The following TMEM60 variants were observed in gnomAD, a reference collection of about 807,000 sequenced individuals.
TMEM60 encodes transmembrane protein 60.
A neutral mutation model predicts 10.7 loss-of-function variants in TMEM60; 4 were observed. That is an observed-to-expected ratio of 0.37 (90% CI 0.18 to 0.86). The LOEUF (loss-of-function observed/expected upper bound fraction) is 0.86. Ranked by LOEUF, TMEM60 falls within the 40% of genes least tolerant of loss-of-function variation. TMEM60 has a pLI of 0.43. For missense variants in TMEM60, 128 were observed against 153.4 expected, an observed-to-expected ratio of 0.83 and a Z score of 0.88; for synonymous variants, 56 against 58.1, an observed-to-expected ratio of 0.96 and a Z score of 0.17.
At chr7:77,797,687 A>C (rs1792211816) in intron 1 of TMEM60, among the ~76,000 whole-genome samples, 1 of 152,072 alleles carries the variant, frequency 6.6e-6, no homozygotes, top group African/African-American at 2.4e-5. Flanking sequence ...ATGATTCCTT[A>C]CTCATTTTTA....
At chr7:77,796,125 A>C (rs1301660711) in intron 1 of TMEM60, among the ~76,000 whole-genome samples, 2 of 151,960 alleles carry the variant, frequency 1.3e-5, no homozygotes. Context: ...TTTAGTAGAG[A>C]TGGGGTTTCA....
At chr7:77,797,976 C>T (rs750935225) in intron 1 of TMEM60, among the ~76,000 whole-genome samples, 14 of 152,260 alleles carry the variant, frequency 9.2e-5, no homozygotes, top group South Asian at 2.1e-4. Context: ...CCTGGAACTT[C>T]AGGACGCTCC....
chr7:77,794,220 G>A lies in TMEM60; in HGVS notation c.154C>T (p.Leu52=), dbSNP rs1444358707. The part of the protein sequence containing the change: ...VWIFDTILLV[L]LIVKMAGRCK... ...CGCCCAGCCATTTTCACAATCAGCA[G>A]GACAAGAAGGATAGTATCAAATATC... Residue 52 remains leucine, a synonymous_variant, in exon 2 of 2, where the codon CTG becomes TTG. Coordinates refer to ENST00000257663, the MANE Select transcript of TMEM60 (RefSeq NM_032936.4). 2 of 1,613,612 alleles carry A rather than the reference G, an allele frequency of 1.2e-6. No homozygotes were observed. Among genetic ancestry groups the A allele is most frequent in the African/African-American group, 2.7e-5 (2 of 74,796 alleles).
intron 1 of TMEM60, 49 bp from the exon 2 acceptor site, chr7:77,794,472 T>C (rs1792147580): frequency 7.9e-7 from 1 of 1,270,904 alleles, no homozygotes; most frequent in South Asian, 2.1e-5. Context: ...AGAAAAAAAG[T>C]ATCACTTCCA....
In TMEM60 at chr7:77,794,248, G is replaced by A; in HGVS notation, c.126C>T (p.Val42=). ...PWNWFLIFIP[V]WIFDTILLVL... is the part of the protein sequence containing the mutation. ...CAAGAAGGATAGTATCAAATATCCA[G>A]ACTGGAATGAATATGAGGAACCAGT... The change falls in exon 2 of 2, where the codon GTC becomes GTT. Residue 42 remains valine, a synonymous_variant. Coordinates refer to ENST00000257663, the MANE Select transcript of TMEM60 (RefSeq NM_032936.4). The A allele has an allele frequency of 1.2e-6, 2 of 1,613,964 alleles. No homozygotes were observed. The highest frequency in any genetic ancestry group is 1.7e-6 in the Non-Finnish European group (2 of 1,179,992).
At chr7:77,795,017 G>A (rs996465742) in intron 1 of TMEM60, among the ~76,000 whole-genome samples, 1 of 152,154 alleles carries the variant, frequency 6.6e-6, no homozygotes, top group South Asian at 2.1e-4. Context: ...GGCAAGGCGT[G>A]GTGGTATGCA....
Position 77,794,047 on chromosome 7 carries a change from G to A in TMEM60, c.327C>T (p.Val109=). 1 of 1,611,418 alleles carries A rather than the reference G, an allele frequency of 6.2e-7. No individual in the cohort carries two copies. Residue 109 remains valine, a synonymous_variant, in exon 2 of 2, where the codon GTC becomes GTT. Transcript: ENST00000257663. Reference sequence around the variant, plus strand: ...CCAGCAAGGCCCATAAAGGAATGAAGACATAGGATAGATTCATGGTAGTAA... The same window carrying A: ...CCAGCAAGGCCCATAAAGGAATGAAAACATAGGATAGATTCATGGTAGTAA... The part of the protein sequence containing the change: ...EQFTTMNLSY[V]FIPLWALLAG...
In TMEM60 at chr7:77,794,353, C is replaced by T. The variant is rs755887534; in HGVS notation, c.21G>A (p.Gln7=). The T allele has an allele frequency of 4.4e-6, 7 of 1,583,108 alleles. No individual in the cohort carries two copies. Among genetic ancestry groups the T allele is most frequent in the Non-Finnish European group, 3.4e-6 (4 of 1,168,580 alleles). MRMSLA[Q]RVLLTWLFTL... ...TGAAAAGCCAGGTGAGTAGTACTCT[C>T]TGAGCCAAGGACATTCTCATTTAAA... The change falls in exon 2 of 2, where the codon CAG becomes CAA. Residue 7 remains glutamine (Q), a synonymous_variant. Coordinates refer to ENST00000257663, the MANE Select transcript of TMEM60 (RefSeq NM_032936.4).
Position 77,793,925 on chromosome 7 carries a change from T to C in TMEM60, c.*47A>G. On this transcript the variant is annotated 3_prime_UTR_variant, in exon 2 of 2. Coordinates refer to ENST00000257663, the MANE Select transcript of TMEM60 (RefSeq NM_032936.4). ...GCTTGACAGATTCAGAACACTTTAA[T>C]GGTAACTTGTTGAACAGCAATAGAA... is the stretch of plus-strand genomic sequence containing the variant. 1 of 1,497,544 alleles carries C rather than the reference T, an allele frequency of 6.7e-7. No homozygotes were observed. Among genetic ancestry groups the C allele is most frequent in the South Asian group, 1.5e-5 (1 of 68,252 alleles). 92.8% of individuals were successfully genotyped at this position (1,497,544 alleles called of 1,614,324 possible). A position where few individuals can be genotyped will look rare whatever the true frequency, so the allele number is the denominator to read the frequency against.
At chr7:77,796,229 C>T (rs76533497) in intron 1 of TMEM60, among the ~76,000 whole-genome samples, 1 of 152,034 alleles carries the variant, frequency 6.6e-6, no homozygotes, top group East Asian at 1.9e-4. Flanking sequence ...TGAGCCACCA[C>T]GCCGGCCTCT....
At chr7:77,797,132 A>T (rs537416939) in intron 1 of TMEM60, among the ~76,000 whole-genome samples, 1 of 152,226 alleles carries the variant, frequency 6.6e-6, no homozygotes, top group Admixed American at 6.5e-5. Context: ...GTGTGTGTTG[A>T]TTAATAACCA....
At chr7:77,794,872 A>G (rs1473830757) in intron 1 of TMEM60, among the ~76,000 whole-genome samples, 2 of 152,154 alleles carry the variant, frequency 1.3e-5, no homozygotes, top group Admixed American at 1.3e-4. Flanking sequence ...AAAGAAGGGA[A>G]TGGGAAGGGT....
chr7:77,798,304 T>C lies in TMEM60; in HGVS notation c.-101A>G, dbSNP rs1792239007. The C allele has an allele frequency of 6.6e-6, 1 of 152,238 alleles. No homozygotes were observed. The highest frequency in any genetic ancestry group is 1.5e-5 in the Non-Finnish European group (1 of 68,066). The allele number at this position is 152,238 out of a possible 1,614,324, so 9.4% of individuals were successfully genotyped here. A position where few individuals can be genotyped will look rare whatever the true frequency, so the allele number is the denominator to read the frequency against. ...GGAGAGGGACGCGAAGATCAGCAAA[T>C]TCGCCAGTTTGGATCCTTGTCCTTT... On this transcript the variant is annotated 5_prime_UTR_variant, in exon 1 of 2. Transcript: ENST00000257663.
Position 77,793,954 on chromosome 7 carries a change from A to G in TMEM60, c.*18T>C. On this transcript the variant is annotated 3_prime_UTR_variant, in exon 2 of 2. Coordinates refer to ENST00000257663, the MANE Select transcript of TMEM60 (RefSeq NM_032936.4). ...AACTTGTTGAACAGCAATAGAAAGG[A>G]GATGATGTACTTAGAAGTCAGTCTC... 1 of 1,529,806 alleles carries G rather than the reference A, an allele frequency of 6.5e-7. No homozygotes were observed. The highest frequency in any genetic ancestry group is 8.8e-7 in the Non-Finnish European group (1 of 1,142,404). 94.8% of individuals were successfully genotyped at this position (1,529,806 alleles called of 1,614,324 possible).
chr7:77,797,860 ATTC>A (rs1055478260), intron 1 of TMEM60, among the ~76,000 whole-genome samples: 5 of 152,050 alleles, frequency 3.3e-5, no homozygotes, highest in African/African-American at 7.2e-5. Context: ...CCACATATTT[ATTC>A]TTCTTCATAA....
At chr7:77,794,797 A>G (rs971964379) in intron 1 of TMEM60, among the ~76,000 whole-genome samples, 8 of 152,194 alleles carry the variant, frequency 5.3e-5, no homozygotes, top group Non-Finnish European at 1.0e-4. Flanking sequence ...GGTACAAAGA[A>G]AAAAGCATTC....
At chr7:77,795,286 A>G (rs1270900211) in intron 1 of TMEM60, among the ~76,000 whole-genome samples, 2 of 152,142 alleles carry the variant, frequency 1.3e-5, no homozygotes, top group African/African-American at 4.8e-5. Context: ...TTGGGACTCT[A>G]AGGCAGGTGC....
chr7:77,796,588 AAAG>A (rs1792169565), intron 1 of TMEM60, among the ~76,000 whole-genome samples: 1 of 152,230 alleles, frequency 6.6e-6, no homozygotes, highest in Non-Finnish European at 1.5e-5. Context: ...TATGAAACTG[AAAG>A]AAGAAATTTT....
chr7:77,794,362 G>A lies in TMEM60; in HGVS notation c.12C>T (p.Ser4=). 6.4e-7 allele frequency: 1 copy of A among 1,569,814 alleles called. No homozygotes were observed. The highest frequency in any genetic ancestry group is 1.2e-5 in the South Asian group (1 of 81,422). Residue 4 remains serine (S), a synonymous_variant, in exon 2 of 2, where the codon TCC becomes TCT. Coordinates refer to ENST00000257663, the MANE Select transcript of TMEM60 (RefSeq NM_032936.4). MRM[S]LAQRVLLTWL... Reference sequence around the variant, plus strand: ...AGGTGAGTAGTACTCTCTGAGCCAAGGACATTCTCATTTAAACAGTTTAAA... The same window carrying A: ...AGGTGAGTAGTACTCTCTGAGCCAAAGACATTCTCATTTAAACAGTTTAAA...
Sources: allele counts gnomAD v4.1 joint callset (sites outside exome capture counted in the v4.1 genomes callset), GRCh38; gene constraint gnomAD v4.1.1; transcripts MANE v1.5; gene names NCBI Gene and HGNC (gene_info 2026-07-23, HGNC 2026-07-21).